Variants in TMEM255B observed in about 807,000 individuals in gnomAD.
TMEM255B encodes the protein family with sequence similarity 70, member B.
Under a neutral mutation model 34.5 loss-of-function variants are expected in TMEM255B, and 35 were observed. The ratio of observed to expected loss-of-function variants is 1.01; its 90% CI spans 0.77 to 1.34. TMEM255B has a LOEUF of 1.34. TMEM255B is among the 40% of genes most tolerant of loss of function. The pLI is 0.00. For synonymous variants in TMEM255B, 206 were observed against 201.2 expected, an observed-to-expected ratio of 1.02 and a Z score of -0.20; for missense variants, 432 against 433.2, an observed-to-expected ratio of 1.00 and a Z score of 0.02.
At chr13:113,777,253 C>T (rs2050594207) in intron 3 of TMEM255B, among the ~76,000 whole-genome samples, 1 of 152,086 alleles carries the variant, frequency 6.6e-6, no homozygotes, top group Non-Finnish European at 1.5e-5. Flanking sequence ...CCCTCTAGCT[C>T]TGTCTCCCTC....
In TMEM255B at chr13:113,769,846, G is replaced by A. The variant is rs2050449355; in HGVS notation, c.252+686G>A. The A allele has an allele frequency of 6.6e-6, 1 of 152,514 alleles. No individual in the cohort carries two copies. The highest frequency in any genetic ancestry group is 1.5e-5 in the Non-Finnish European group (1 of 68,302). 9.4% of individuals were successfully genotyped at this position (152,514 alleles called of 1,614,324 possible). On this transcript the variant is annotated intron_variant, in intron 3 of 8. Coordinates refer to ENST00000375353, the MANE Select transcript of TMEM255B (RefSeq NM_182614.4). The surrounding 1 kb of genome is among the most constrained non-coding windows in gnomAD (Gnocchi z 4.2). ...TGAATTTTAAGAGCAGGGTTTAGAG[G>A]GGAGGTGGTTGGGCCATTTCTGCCT...
chr13:113,813,515 AGC>A lies in TMEM255B; in HGVS notation c.*1613_*1614del, dbSNP rs1476595726. ...AGGGGAGCCACACTCGTGCAGACAC[AGC>A]CTCCTGCCCCCTCTGCTGCCCGGGA... On this transcript the variant is annotated 3_prime_UTR_variant, in exon 9 of 9. Transcript: ENST00000375353. 1 of 152,340 alleles carries A rather than the reference AGC, an allele frequency of 6.6e-6. No homozygotes were observed. Among genetic ancestry groups the A allele is most frequent in the African/African-American group, 2.4e-5 (1 of 41,474 alleles). 9.4% of individuals were successfully genotyped at this position (152,340 alleles called of 1,614,324 possible). A position where few individuals can be genotyped will look rare whatever the true frequency, so the allele number is the denominator to read the frequency against.
chr13:113,788,684 C>T (rs969249106), intron 3 of TMEM255B, among the ~76,000 whole-genome samples: 12 of 152,126 alleles, frequency 7.9e-5, no homozygotes, highest in Non-Finnish European at 1.5e-4. Context: ...GTCATCAGCA[C>T]GGTGTCACCG....
In TMEM255B at chr13:113,803,981, G is replaced by C. The variant is rs548081494; in HGVS notation, c.670-904G>C. On this transcript the variant is annotated intron_variant, in intron 7 of 8. Coordinates refer to ENST00000375353, the MANE Select transcript of TMEM255B (RefSeq NM_182614.4). Reference sequence around the variant, plus strand: ...AGCCCCTCGCAGCGGCTCTGGCCTGGCTTCCCCGCCTTTGCCATCTTCCCC... The same window carrying C: ...AGCCCCTCGCAGCGGCTCTGGCCTGCCTTCCCCGCCTTTGCCATCTTCCCC... Among the ~76,000 whole-genome samples the C allele has an allele frequency of 9.3e-4, 19 of 20,400 alleles. No homozygotes were observed. The South Asian group carries it at 0.038, about 41-fold the overall frequency. The allele number at this position is 20,400 out of a possible 152,430, so 13.4% of individuals were successfully genotyped here. A position where few individuals can be genotyped will look rare whatever the true frequency, so the allele number is the denominator to read the frequency against.
chr13:113,774,957 G>T (rs1318704861), intron 3 of TMEM255B, among the ~76,000 whole-genome samples: 1 of 87,778 alleles, frequency 1.1e-5, no homozygotes, highest in African/African-American at 4.6e-5. Flanking sequence ...CACAACACAC[G>T]ACACACACCA....
Position 113,799,517 on chromosome 13 carries a change from A to AG in TMEM255B, c.423+98_423+99insG, listed in dbSNP as rs2051003538. 4.3e-6 allele frequency: 5 copies of AG among 1,157,984 alleles called. No homozygotes were observed. In the South Asian group the frequency reaches 5.4e-5, roughly 12 times the overall value. The allele number at this position is 1,157,984 out of a possible 1,614,324, so 71.7% of individuals were successfully genotyped here. Reference sequence around the variant, plus strand: ...ACATAGGCGTGGTCTGAATATTTTGATTCTAATAGTTCCTGGGGGTCACCC... The same window carrying AG: ...ACATAGGCGTGGTCTGAATATTTTGAGTTCTAATAGTTCCTGGGGGTCACCC... On this transcript the variant is annotated intron_variant, in intron 5 of 8. Coordinates refer to ENST00000375353, the MANE Select transcript of TMEM255B (RefSeq NM_182614.4).
At position 113,799,371 on chromosome 13, in the gene TMEM255B, G is replaced by A. The variant is rs377144010; in HGVS notation, c.375G>A (p.Gln125=). ...EPRPLTTGRC[Q]FYSSGVGYLY... ...GGCCCCTCACCACGGGAAGATGCCA[G>A]TTTTACTCCAGTGGGGTGGGGTACT... is the stretch of plus-strand genomic sequence containing the variant. The change falls in exon 5 of 9, where the codon CAG becomes CAA. Residue 125 remains glutamine (Q), a synonymous_variant. Transcript: ENST00000375353. 1.9e-6 allele frequency: 3 copies of A among 1,614,048 alleles called. No homozygotes were observed. Among genetic ancestry groups the A allele is most frequent in the Non-Finnish European group, 2.5e-6 (3 of 1,180,034 alleles).
intron 3 of TMEM255B, among the ~76,000 whole-genome samples, chr13:113,784,901 A>G (rs2050718522): frequency 6.6e-6 from 1 of 151,728 alleles, no homozygotes; most frequent in African/African-American, 2.4e-5. Context: ...AGAGTTAAAG[A>G]GGAAAGAAAC....
chr13:113,775,139 A>C (rs1327871671), intron 3 of TMEM255B, among the ~76,000 whole-genome samples: 3 of 150,404 alleles, frequency 2.0e-5, no homozygotes, highest in Non-Finnish European at 3.0e-5. Context: ...TACACACACC[A>C]CATATATGAC....
chr13:113,811,927 C>G lies in TMEM255B; in HGVS notation c.*24C>G, dbSNP rs761637354. ...GATAGAGGCGTGGAGTAAAAGATAA[C>G]TTGTTTGTTTTTTTTTTTAAAAAAA... is the stretch of plus-strand genomic sequence containing the variant. On this transcript the variant is annotated 3_prime_UTR_variant, in exon 9 of 9. Transcript: ENST00000375353. 6.5e-7 allele frequency: 1 copy of G among 1,546,578 alleles called. No homozygotes were observed. Among genetic ancestry groups the G allele is most frequent in the Non-Finnish European group, 8.7e-7 (1 of 1,150,988 alleles).
chr13:113,768,364 G>T (rs2050424960), intron 2 of TMEM255B: 3 of 414,404 alleles, frequency 7.2e-6, no homozygotes, highest in South Asian at 5.3e-5. Context: ...GGAGGGTGCG[G>T]ATGCCCGGCC....
chr13:113,800,966 G>A (rs2051046230), intron 6 of TMEM255B, 54 bp downstream of exon 6: 1 of 1,167,144 alleles, frequency 8.6e-7, no homozygotes, highest in African/African-American at 2.1e-5. Context: ...GAGGGGCGCT[G>A]GGGACCCCCG....
intron 7 of TMEM255B, among the ~76,000 whole-genome samples, 158 bp from the exon 8 acceptor site, chr13:113,804,727 C>T (rs916684298): frequency 6.7e-6 from 1 of 148,528 alleles, no homozygotes; most frequent in Non-Finnish European, 1.5e-5. Context: ...CACGCCGGGC[C>T]GGCGTTAGCT....
At position 113,813,730 on chromosome 13, in the gene TMEM255B, G is replaced by T. The variant is rs1350481720; in HGVS notation, c.*1827G>T. 6.6e-6 allele frequency: 1 copy of T among 152,212 alleles called. No individual in the cohort carries two copies. Among genetic ancestry groups the T allele is most frequent in the Admixed American group, 6.5e-5 (1 of 15,292 alleles). The allele number at this position is 152,212 out of a possible 1,614,324, so 9.4% of individuals were successfully genotyped here. On this transcript the variant is annotated 3_prime_UTR_variant, in exon 9 of 9. Transcript: ENST00000375353. ...GCCCTAACGGGCCTCTGAAAGGCCT[G>T]CAGCCAGCTCTGGTCTGTGAACCCG... is the stretch of plus-strand genomic sequence containing the variant.
chr13:113,777,820 GGGT>G (rs1019272872), intron 3 of TMEM255B, among the ~76,000 whole-genome samples: 12 of 152,234 alleles, frequency 7.9e-5, no homozygotes, highest in Admixed American at 7.8e-4. Flanking sequence ...GAGCCTTCCT[GGGT>G]GGGTGCTGCA....
intron 5 of TMEM255B, chr13:113,799,905 C>G: frequency 8.1e-7 from 1 of 1,233,814 alleles, no homozygotes; most frequent in South Asian, 1.3e-5. Context: ...ACGGCGCTCT[C>G]TGTGTGTCTC....
At chr13:113,795,295 A>T (rs575492679) in intron 4 of TMEM255B, 58 bp downstream of exon 4, 3 of 1,542,314 alleles carry the variant, frequency 1.9e-6, no homozygotes, top group Non-Finnish European at 1.8e-6. Context: ...AGTCGACGTG[A>T]AAAAAGTACA....
chr13:113,802,314 G>A (rs1000985510), intron 7 of TMEM255B, among the ~76,000 whole-genome samples: 2 of 152,348 alleles, frequency 1.3e-5, no homozygotes, highest in East Asian at 3.9e-4. Flanking sequence ...AAACCACAGG[G>A]AAATCACTGG....
chr13:113,807,629 G>A (rs1395179316), intron 8 of TMEM255B, among the ~76,000 whole-genome samples: 1 of 131,182 alleles, frequency 7.6e-6, no homozygotes, highest in African/African-American at 3.0e-5. Context: ...TGTGGGGGGT[G>A]GTCCTCCCTG....
Sources: allele counts gnomAD v4.1 joint callset (sites outside exome capture counted in the v4.1 genomes callset), GRCh38; gene constraint gnomAD v4.1.1; non-coding constraint Gnocchi (gnomAD v3.1); transcripts MANE v1.5; gene names NCBI Gene and HGNC (gene_info 2026-07-23, HGNC 2026-07-21).